VDR: variants seen among roughly 807,000 people sequenced by gnomAD.
The protein encoded by VDR is vitamin D3 receptor.
In VDR, 19 loss-of-function variants were observed where a neutral mutation model predicts 39.7. The observed-to-expected ratio is 0.48, with a 90% CI of 0.33 to 0.70. VDR has a LOEUF of 0.70. Ranked by LOEUF, VDR falls within the 30% of genes least tolerant of loss-of-function variation. VDR has a pLI of 0.02. For missense variants in VDR, 442 were observed against 570.5 expected (o/e 0.77, Z 2.29); for synonymous variants, 242 against 215.8 (o/e 1.12, Z -1.07).
intron 1 of VDR, chr12:47,898,895 G>A (rs1351005549): frequency 6.5e-6 from 1 of 153,820 alleles, no homozygotes; most frequent in Non-Finnish European, 1.5e-5. Context: ...TCACTTTGGG[G>A]TGGGGAGTAA....
intron 1 of VDR, among the ~76,000 whole-genome samples, chr12:47,891,903 C>G (rs1055913415): frequency 4.6e-5 from 7 of 151,776 alleles, no homozygotes; most frequent in Non-Finnish European, 1.0e-4. Context: ...CCACCACCCA[C>G]CCCCACCCAC....
intron 3 of VDR, among the ~76,000 whole-genome samples, chr12:47,866,502 T>C (rs1348973542): frequency 6.6e-6 from 1 of 152,226 alleles, no homozygotes; most frequent in Non-Finnish European, 1.5e-5. Flanking sequence ...GTCTTCTAGA[T>C]TCTAGAGACC....
intron 6 of VDR, 36 bp from the exon 7 acceptor site, chr12:47,855,837 G>A (rs779200532): frequency 5.9e-5 from 95 of 1,611,534 alleles, no homozygotes; most frequent in Admixed American, 5.5e-4. Flanking sequence ...AGCTATTTAA[G>A]GATACTTGGA....
intron 3 of VDR, among the ~76,000 whole-genome samples, chr12:47,874,177 G>C (rs1945952504): frequency 2.6e-5 from 4 of 152,116 alleles, no homozygotes; most frequent in Admixed American, 2.6e-4. Context: ...AACATCCATA[G>C]ATAACCCCAC....
chr12:47,876,921 G>C (rs575048796), intron 3 of VDR, among the ~76,000 whole-genome samples: 18 of 152,336 alleles, frequency 1.2e-4, no homozygotes, highest in South Asian at 1.0e-3. Flanking sequence ...TGAATCTCAG[G>C]GGGGAGGAGG....
At chr12:47,860,555 G>A (rs1302038778) in intron 4 of VDR, among the ~76,000 whole-genome samples, 1 of 152,208 alleles carries the variant, frequency 6.6e-6, no homozygotes, top group Non-Finnish European at 1.5e-5. Flanking sequence ...ACCTTGTAAC[G>A]GAACACTTTT....
Position 47,855,340 on chromosome 12 carries a change from AAAT to A in VDR, c.755+287_755+289del, listed in dbSNP as rs1018203075. The stretch of plus-strand genomic sequence containing the variant: ...GAGAATCTGTCTGGAAAAAAAATAA[AAAT>A]AAATAAATAAATAAATAAATAAATA... On this transcript the variant is annotated intron_variant, in intron 7 of 9. Coordinates refer to ENST00000549336, the MANE Select transcript of VDR (RefSeq NM_000376.3). Among the ~76,000 whole-genome samples, 11 of 96,706 alleles carry A rather than the reference AAAT, an allele frequency of 1.1e-4. 1 individual carries two copies. The South Asian group carries it at 3.9e-3, about 34-fold the overall frequency. The allele number at this position is 96,706 out of a possible 152,430, so 63.4% of individuals were successfully genotyped here.
At chr12:47,866,032 C>T (rs947205364) in intron 3 of VDR, among the ~76,000 whole-genome samples, 2 of 150,976 alleles carry the variant, frequency 1.3e-5, no homozygotes, top group African/African-American at 4.9e-5. Context: ...GACTCTTATA[C>T]TTATTTTACA....
chr12:47,870,645 G>A (rs1005414351), intron 3 of VDR, among the ~76,000 whole-genome samples: 2 of 152,200 alleles, frequency 1.3e-5, no homozygotes, highest in African/African-American at 4.8e-5. Flanking sequence ...TCAGGCCTGG[G>A]ACAGTTGGGC....
At chr12:47,850,435 C>T (rs1031664276) in intron 7 of VDR, among the ~76,000 whole-genome samples, 2 of 152,182 alleles carry the variant, frequency 1.3e-5, no homozygotes, top group African/African-American at 4.8e-5. Context: ...TATACATAGC[C>T]TTTTGTTCAG....
chr12:47,851,356 G>A (rs1022835348), intron 7 of VDR, among the ~76,000 whole-genome samples: 5 of 152,098 alleles, frequency 3.3e-5, no homozygotes, highest in African/African-American at 9.7e-5. Flanking sequence ...GCTAAGGGAG[G>A]AGAGATGGGA....
At chr12:47,878,915 C>T (rs1946071535) in intron 3 of VDR, 53 bp downstream of exon 3, 1 of 1,613,594 alleles carries the variant, frequency 6.2e-7, no homozygotes, top group Non-Finnish European at 8.5e-7. Context: ...ATGGAAACAC[C>T]TTGCTTCTTC....
Position 47,899,822 on chromosome 12 carries a change from C to A in VDR, c.-84+5133G>T, listed in dbSNP as rs11168292. The A allele has an allele frequency of 7.8e-4, 682 of 879,308 alleles. 2 individuals carry two copies. The highest frequency in any genetic ancestry group is 8.6e-4 in the Non-Finnish European group (627 of 732,524). 54.5% of individuals were successfully genotyped at this position (879,308 alleles called of 1,614,324 possible). On this transcript the variant is annotated intron_variant, in intron 1 of 9. Transcript: ENST00000549336. ...TTTCCCCACTATGCCTGCTAGAGAA[C>A]ATAACTGTACTTACCCCAAAGAGAA...
rs11574129 is a variant in VDR at position 47,843,520 on chromosome 12, A to G, written c.*1226T>C. 0.017 allele frequency: 2,630 copies of G among 152,290 alleles called. 86 individuals carry two copies. Among genetic ancestry groups the G allele is most frequent in the East Asian group, 0.15 (796 of 5,308 alleles). The allele number at this position is 152,290 out of a possible 1,614,324, so 9.4% of individuals were successfully genotyped here. On this transcript the variant is annotated 3_prime_UTR_variant, in exon 10 of 10. Transcript: ENST00000549336. ...CAGCTGGGCTGGGCTGGCTGCAGAG[A>G]GCATGCACTTGAAGTTGTATCACTC...
chr12:47,867,372 A>G (rs1214465669), intron 3 of VDR, among the ~76,000 whole-genome samples: 2 of 151,302 alleles, frequency 1.3e-5, no homozygotes. Flanking sequence ...AAGAAAGAAA[A>G]GAAAAAGAAA....
At chr12:47,867,392 C>G (rs1945759348) in intron 3 of VDR, among the ~76,000 whole-genome samples, 1 of 142,194 alleles carries the variant, frequency 7.0e-6, no homozygotes, top group Non-Finnish European at 1.5e-5. Flanking sequence ...AAGTGGCACC[C>G]TTGTAGCCTA....
rs547548499 is a variant in VDR, at chr12:47,868,442, G to A, written c.147-3265C>T. On this transcript the variant is annotated intron_variant, in intron 3 of 9. Transcript: ENST00000549336. ...CCCTGCAGTAGCTAACAAGAAAGAA[G>A]TTATACGCCAGGCTTTTTTCCATCT... Among the ~76,000 whole-genome samples, 3 of 152,338 alleles carry A rather than the reference G, an allele frequency of 2.0e-5. No individual in the cohort carries two copies. In the East Asian group the frequency reaches 5.8e-4, roughly 29 times the overall value.
At chr12:47,867,469 C>A (rs529399379) in intron 3 of VDR, among the ~76,000 whole-genome samples, 1 of 152,176 alleles carries the variant, frequency 6.6e-6, no homozygotes, top group African/African-American at 2.4e-5. Context: ...TTTCCTAATT[C>A]GAACATTCTC....
rs1324878869 is a variant in VDR, at chr12:47,842,851, T to C, written c.*1895A>G. 1 of 152,114 alleles carries C rather than the reference T, an allele frequency of 6.6e-6. No homozygotes were observed. The highest frequency in any genetic ancestry group is 2.4e-5 in the African/African-American group (1 of 41,410). The allele number at this position is 152,114 out of a possible 1,614,324, so 9.4% of individuals were successfully genotyped here. A position where few individuals can be genotyped will look rare whatever the true frequency, so the allele number is the denominator to read the frequency against. On this transcript the variant is annotated 3_prime_UTR_variant, in exon 10 of 10. Transcript: ENST00000549336. Reference sequence around the variant, plus strand: ...CTGTCAGTTTTCCTGAATGAGGGGATTGACTCGTTTAGCAACTTACAAGTG... The same window carrying C: ...CTGTCAGTTTTCCTGAATGAGGGGACTGACTCGTTTAGCAACTTACAAGTG...
Sources: gnomAD v4.1 joint callset for allele counts (sites outside exome capture counted in the v4.1 genomes callset) on GRCh38, gnomAD v4.1.1 for gene constraint, MANE v1.5 for transcripts, NCBI Gene and HGNC (gene_info 2026-07-23, HGNC 2026-07-21) for gene names.